The following RXFP1 variants were observed in gnomAD, a reference collection of about 807,000 sequenced individuals.
RXFP1 encodes the protein relaxin receptor 1.
RXFP1 carries 73 observed loss-of-function variants against 89.8 expected under a neutral mutation model. The ratio of observed to expected loss-of-function variants is 0.81; its 90% CI spans 0.67 to 0.99. RXFP1 has a LOEUF of 0.99. Ranked by LOEUF, RXFP1 falls within the 50% of genes least tolerant of loss-of-function variation. RXFP1 has a pLI of 0.00. For missense variants in RXFP1, 793 were observed against 895.5 expected (o/e 0.89, Z 1.46); for synonymous variants, 277 against 305.5 (o/e 0.91, Z 0.97).
chr4:158,530,205 G>C (rs1340001070), intron 1 of RXFP1, among the ~76,000 whole-genome samples: 1 of 152,132 alleles, frequency 6.6e-6, no homozygotes, highest in Admixed American at 6.5e-5. Context: ...TGTGTGCCTG[G>C]ACCTAGTGAA....
At chr4:158,593,615 T>A in intron 3 of RXFP1, 116 bp downstream of exon 3, 1 of 558,064 alleles carries the variant, frequency 1.8e-6, no homozygotes, top group Non-Finnish European at 3.0e-6. Flanking sequence ...CAGTTTTAAT[T>A]AAAGAAACTT....
chr4:158,558,312 G>A (rs912456574), intron 1 of RXFP1, among the ~76,000 whole-genome samples: 5 of 152,244 alleles, frequency 3.3e-5, no homozygotes, highest in African/African-American at 1.2e-4. Context: ...AACAGTGGCA[G>A]GTAGTTGCTT....
chr4:158,545,018 G>A (rs1161306570), intron 1 of RXFP1, among the ~76,000 whole-genome samples: 3 of 151,468 alleles, frequency 2.0e-5, no homozygotes, highest in African/African-American at 4.9e-5. Flanking sequence ...CTGAGGAATC[G>A]CCACACTGAC....
At chr4:158,550,338 G>T (rs968319299) in intron 1 of RXFP1, among the ~76,000 whole-genome samples, 2 of 152,204 alleles carry the variant, frequency 1.3e-5, no homozygotes, top group African/African-American at 4.8e-5. Flanking sequence ...CAATTTTCCA[G>T]GTGCTGTCTG....
intron 8 of RXFP1, among the ~76,000 whole-genome samples, chr4:158,614,728 G>A (rs529231906): frequency 6.6e-6 from 1 of 152,124 alleles, no homozygotes; most frequent in Non-Finnish European, 1.5e-5. Context: ...CCTATCATTT[G>A]TGTGTTCATT....
At chr4:158,595,196 T>G (rs1367070247) in intron 3 of RXFP1, among the ~76,000 whole-genome samples, 1 of 152,200 alleles carries the variant, frequency 6.6e-6, no homozygotes, top group Admixed American at 6.5e-5. Context: ...ATCATCACGT[T>G]TTCTATTCTC....
intron 1 of RXFP1, among the ~76,000 whole-genome samples, chr4:158,549,763 C>T (rs866575599): frequency 2.6e-4 from 39 of 152,312 alleles, no homozygotes; most frequent in African/African-American, 6.0e-4. Flanking sequence ...TGTAGAACAG[C>T]GGATCTTGGT....
intron 2 of RXFP1, among the ~76,000 whole-genome samples, chr4:158,592,828 C>T (rs1247295510): frequency 5.9e-5 from 9 of 152,008 alleles, no homozygotes; most frequent in East Asian, 5.8e-4. Context: ...TGGTGGCGCA[C>T]GCCTGTAATC....
chr4:158,529,244 T>TTTGTTGTTGTTGTTGTTGTTG (rs70962613), intron 1 of RXFP1, among the ~76,000 whole-genome samples: 1 of 109,994 alleles, frequency 9.1e-6, no homozygotes, highest in African/African-American at 3.8e-5. Context: ...TTGCTTGTTT[T>TTTGTTGTTGTTGTTGTTGTTG]TTGTTGTTGT....
chr4:158,570,471 G>C (rs1239239991), intron 1 of RXFP1, among the ~76,000 whole-genome samples: 18 of 152,184 alleles, frequency 1.2e-4, no homozygotes. Context: ...GAGAGTCTCA[G>C]TGGTGGCACT....
intron 17 of RXFP1, 107 bp from the exon 18 acceptor site, chr4:158,651,650 A>G: frequency 1.2e-6 from 1 of 832,918 alleles, no homozygotes; most frequent in Non-Finnish European, 1.8e-6. Context: ...TCAAAGGAAA[A>G]AAATCAAAAC....
chr4:158,616,133 C>A (rs1185254101), intron 8 of RXFP1, among the ~76,000 whole-genome samples: 1 of 152,056 alleles, frequency 6.6e-6, no homozygotes, highest in Non-Finnish European at 1.5e-5. Flanking sequence ...CACAATAAAA[C>A]AAGGTGGGCC....
chr4:158,568,849 C>G (rs930654091), intron 1 of RXFP1, among the ~76,000 whole-genome samples: 40 of 152,168 alleles, frequency 2.6e-4, no homozygotes, highest in African/African-American at 7.0e-4. Flanking sequence ...GAAGTAGTCA[C>G]TTTTATTTTT....
rs1772995016 is a variant in RXFP1, at chr4:158,653,017, G to A, written c.*962G>A. ...AAGCAGTTAAAAGGAAAAAGAGCTG[G>A]AATGCACTGATTCAGGAACTTAATT... On this transcript the variant is annotated 3_prime_UTR_variant, in exon 18 of 18. Coordinates refer to ENST00000307765, the MANE Select transcript of RXFP1 (RefSeq NM_021634.4). 6.6e-6 allele frequency: 1 copy of A among 152,156 alleles called. No individual in the cohort carries two copies. The highest frequency in any genetic ancestry group is 2.1e-4 in the South Asian group (1 of 4,826). The allele number at this position is 152,156 out of a possible 1,614,324, so 9.4% of individuals were successfully genotyped here.
chr4:158,607,565 A>G (rs1762754730), intron 5 of RXFP1, among the ~76,000 whole-genome samples: 1 of 152,232 alleles, frequency 6.6e-6, no homozygotes, highest in Non-Finnish European at 1.5e-5. Flanking sequence ...TCTGGCTTCT[A>G]GACTTCTGAT....
intron 11 of RXFP1, among the ~76,000 whole-genome samples, chr4:158,630,564 C>T (rs1767840719): frequency 6.6e-6 from 1 of 152,090 alleles, no homozygotes; most frequent in Admixed American, 6.6e-5. Context: ...TATCAATAAC[C>T]AACAGTGAAC....
chr4:158,613,765 T>C (rs1442642511), intron 8 of RXFP1, among the ~76,000 whole-genome samples: 2 of 152,250 alleles, frequency 1.3e-5, no homozygotes, highest in Non-Finnish European at 2.9e-5. Flanking sequence ...TTTGACCTTG[T>C]TTTCATGAAT....
chr4:158,615,144 ATTG>A (rs764438174), intron 8 of RXFP1, among the ~76,000 whole-genome samples: 29 of 152,094 alleles, frequency 1.9e-4, no homozygotes, highest in Non-Finnish European at 3.5e-4. Flanking sequence ...TAATTTCAAT[ATTG>A]TTGTGTTTCA....
intron 17 of RXFP1, among the ~76,000 whole-genome samples, chr4:158,650,488 G>T (rs1772480241): frequency 6.7e-6 from 1 of 149,796 alleles, no homozygotes; most frequent in East Asian, 1.9e-4. Context: ...TTTTCATGTA[G>T]CAGGGCGCAG....
Sources: allele counts gnomAD v4.1 joint callset (sites outside exome capture counted in the v4.1 genomes callset), GRCh38; gene constraint gnomAD v4.1.1; transcripts MANE v1.5; gene names NCBI Gene and HGNC (gene_info 2026-07-23, HGNC 2026-07-21).